Variants in KNTC1 observed in about 807,000 individuals in gnomAD.
KNTC1 encodes the protein kinetochore associated 1.
KNTC1 carries 253 observed loss-of-function variants against 314.4 expected under a neutral mutation model. The ratio of observed to expected loss-of-function variants is 0.80; its 90% CI spans 0.73 to 0.89. KNTC1 has a LOEUF of 0.89. KNTC1 is among the 40% of genes least tolerant of loss of function. The pLI is 0.00. For missense variants in KNTC1, 2,475 were observed against 2,572.9 expected, an observed-to-expected ratio of 0.96 and a Z score of 0.82; for synonymous variants, 901 against 901.4, an observed-to-expected ratio of 1.00 and a Z score of 0.01.
At chr12:122,560,650 G>T (rs1963909991) in intron 18 of KNTC1, among the ~76,000 whole-genome samples, 1 of 152,176 alleles carries the variant, frequency 6.6e-6, no homozygotes, top group South Asian at 2.1e-4. Context: ...GGGATTACAG[G>T]CGTGAGCCAC....
At chr12:122,542,152 T>C in intron 6 of KNTC1, 25 bp downstream of exon 6, 1 of 1,370,296 alleles carries the variant, frequency 7.3e-7, no homozygotes, top group Non-Finnish European at 9.9e-7. Flanking sequence ...ATATTTTTAT[T>C]ATTGATTTGC....
chr12:122,541,106 G>A (rs1318082027), intron 5 of KNTC1, among the ~76,000 whole-genome samples: 1 of 152,062 alleles, frequency 6.6e-6, no homozygotes, highest in East Asian at 1.9e-4. Flanking sequence ...GCAGTGAGCT[G>A]CGATCGCTGC....
chr12:122,550,500 TTTG>T (rs140141009), intron 13 of KNTC1, among the ~76,000 whole-genome samples: 7,741 of 151,992 alleles, frequency 0.051, 627 homozygotes, highest in African/African-American at 0.18. Flanking sequence ...TCTCTGTGTT[TTTG>T]TTGTTGTTGT....
At chr12:122,614,371 C>T (rs546107331) in intron 55 of KNTC1, among the ~76,000 whole-genome samples, 45 of 152,288 alleles carry the variant, frequency 3.0e-4, no homozygotes, top group African/African-American at 1.0e-3. Flanking sequence ...TGTCATTTCT[C>T]TTCCTCTTAG....
chr12:122,620,216 C>G (rs1485845029), intron 59 of KNTC1: 2 of 216,402 alleles, frequency 9.2e-6, no homozygotes, highest in Admixed American at 1.2e-4. Flanking sequence ...ATTTAGAAGC[C>G]TATCTTTAGG....
chr12:122,580,324 A>G (rs1181929022), intron 32 of KNTC1, among the ~76,000 whole-genome samples: 1 of 152,230 alleles, frequency 6.6e-6, no homozygotes, highest in East Asian at 1.9e-4. Flanking sequence ...TAAAACAGTG[A>G]AGAAAGTAAC....
chr12:122,586,903 C>A, intron 38 of KNTC1, 146 bp downstream of exon 38: 1 of 199,836 alleles, frequency 5.0e-6, no homozygotes, highest in Non-Finnish European at 9.6e-6. Flanking sequence ...ACCTCTCCAC[C>A]TCCCGGGCTC....
intron 59 of KNTC1, 141 bp from the exon 60 acceptor site, chr12:122,620,338 T>C (rs1874288363): frequency 1.5e-6 from 1 of 651,846 alleles, no homozygotes; most frequent in South Asian, 2.0e-5. Flanking sequence ...TACTCATTCC[T>C]AAGCATATGT....
At chr12:122,538,164 T>C (rs531415592) in intron 3 of KNTC1, among the ~76,000 whole-genome samples, 175 bp from the exon 4 acceptor site, 70 of 152,316 alleles carry the variant, frequency 4.6e-4, no homozygotes, top group African/African-American at 1.6e-3. Context: ...AAAAAATATT[T>C]GTTGACTGAA....
At chr12:122,552,105 A>C (rs1404398205) in intron 16 of KNTC1, among the ~76,000 whole-genome samples, 1 of 151,922 alleles carries the variant, frequency 6.6e-6, no homozygotes, top group Non-Finnish European at 1.5e-5. Flanking sequence ...ATGGGGTTTC[A>C]CCATTTTGGC....
At chr12:122,530,603 A>T (rs1961236623) in intron 2 of KNTC1, among the ~76,000 whole-genome samples, 1 of 151,942 alleles carries the variant, frequency 6.6e-6, no homozygotes, top group Non-Finnish European at 1.5e-5. Context: ...GTTGTGTGCC[A>T]CCATGCTCAG....
chr12:122,536,903 A>G (rs1961883215), intron 3 of KNTC1, among the ~76,000 whole-genome samples: 1 of 152,202 alleles, frequency 6.6e-6, no homozygotes, highest in Non-Finnish European at 1.5e-5. Context: ...GAACACATGC[A>G]TTTTGGAACA....
rs756054860 is a variant in KNTC1 at position 122,562,671 on chromosome 12, T to C, written c.1576T>C (p.Tyr526His). ...LRAHAKLTTF[Y>H]GAFGPEKFSG... Reference sequence around the variant, plus strand: ...AGCTCATGCAAAATTGACTACTTTTTATGGAGCATTTGGACCAGAAAAATT... The same window carrying C: ...AGCTCATGCAAAATTGACTACTTTTCATGGAGCATTTGGACCAGAAAAATT... Residue 526 changes from tyrosine (Y) to histidine (H), a missense_variant, in exon 20 of 64, where the codon TAT (tyrosine) becomes CAT (histidine). Coordinates refer to ENST00000333479, the MANE Select transcript of KNTC1 (RefSeq NM_014708.6). 31 of 1,610,646 alleles carry C rather than the reference T, an allele frequency of 1.9e-5. No homozygotes were observed. The highest frequency in any genetic ancestry group is 4.0e-5 in the African/African-American group (3 of 74,884).
At chr12:122,613,034 T>G (rs1395082122) in intron 53 of KNTC1, 78 bp from the exon 54 acceptor site, 1 of 756,056 alleles carries the variant, frequency 1.3e-6, no homozygotes, top group East Asian at 2.4e-5. Context: ...ACGTTGTTTA[T>G]GTTGCCTATG....
At chr12:122,615,446 T>G (rs1018499627) in intron 56 of KNTC1, 24 bp from the exon 57 acceptor site, 3 of 1,492,468 alleles carry the variant, frequency 2.0e-6, no homozygotes, top group Non-Finnish European at 2.7e-6. Context: ...TCTTTAGAAC[T>G]TTTTTATTTT....
chr12:122,596,697 T>A (rs1871104788), intron 43 of KNTC1, among the ~76,000 whole-genome samples: 1 of 151,928 alleles, frequency 6.6e-6, no homozygotes. Context: ...AAAAATTCAC[T>A]GAAGTGTTGT....
intron 24 of KNTC1, among the ~76,000 whole-genome samples, chr12:122,571,673 T>C (rs1025219398): frequency 1.3e-4 from 19 of 151,800 alleles, no homozygotes; most frequent in African/African-American, 4.1e-4. Context: ...CAACCTATTA[T>C]TATTATTTTT....
At chr12:122,564,283 T>A (rs1964163040) in intron 20 of KNTC1, among the ~76,000 whole-genome samples, 1 of 152,020 alleles carries the variant, frequency 6.6e-6, no homozygotes, top group South Asian at 2.1e-4. Flanking sequence ...GGCCTTATGG[T>A]TTAATGTTTT....
intron 51 of KNTC1, among the ~76,000 whole-genome samples, chr12:122,608,195 C>T (rs576430426): frequency 4.6e-5 from 7 of 152,254 alleles, no homozygotes; most frequent in East Asian, 3.9e-4. Flanking sequence ...CTACAGCCTC[C>T]GCCTCCCCGG....
Sources: gnomAD v4.1 joint callset for allele counts (sites outside exome capture counted in the v4.1 genomes callset) on GRCh38, gnomAD v4.1.1 for gene constraint, MANE v1.5 for transcripts, NCBI Gene and HGNC (gene_info 2026-07-23, HGNC 2026-07-21) for gene names.